Variants in UNC79 observed in about 807,000 individuals in gnomAD.
UNC79 encodes unc-79 subunit of NALCN channel complex.
In UNC79, 37 loss-of-function variants were observed where a neutral mutation model predicts 283.1. That is an observed-to-expected ratio of 0.13 (90% CI 0.10 to 0.17). The LOEUF (loss-of-function observed/expected upper bound fraction) is 0.17, where lower values mean the gene tolerates loss of function less well. Ranked by LOEUF, UNC79 falls within the 10% of genes least tolerant of loss-of-function variation. The probability of loss-of-function intolerance (pLI) is 1.00; values close to 1 mark genes in which losing one functional copy is unlikely to be tolerated. For synonymous variants in UNC79, 1,107 were observed against 1,200.2 expected, an observed-to-expected ratio of 0.92 and a Z score of 1.61; for missense variants, 2,272 against 3,211.1, an observed-to-expected ratio of 0.71 and a Z score of 7.07.
intron 1 of UNC79, among the ~76,000 whole-genome samples, chr14:93,365,437 T>A (rs2054309966): frequency 6.7e-6 from 1 of 149,534 alleles, no homozygotes; most frequent in Non-Finnish European, 1.5e-5. Flanking sequence ...ACCAAATACT[T>A]GAGGAAAATC....
chr14:93,599,382 G>GTGTGTGTGTGTGTT lies in UNC79; in HGVS notation c.3373-1184_3373-1183insGTGTGTGTGTTTGT, dbSNP rs1055178710. Among the ~76,000 whole-genome samples the GTGTGTGTGTGTGTT allele has an allele frequency of 2.5e-3, 382 of 151,240 alleles. 2 individuals carry two copies. Among genetic ancestry groups the GTGTGTGTGTGTGTT allele is most frequent in the African/African-American group, 9.1e-3 (373 of 40,862 alleles). On this transcript the variant is annotated intron_variant, in intron 24 of 48. Coordinates refer to ENST00000555664, the Ensembl canonical transcript of UNC79. ...TGTGTGTGTGTGTGTGTGTGTGTGT[G>GTGTGTGTGTGTGTT]TGTATGTGTGCATACACTGTCTCCC...
chr14:93,420,287 A>G (rs1384691065), intron 1 of UNC79, among the ~76,000 whole-genome samples: 2 of 151,670 alleles, frequency 1.3e-5, no homozygotes, highest in Admixed American at 6.6e-5. Context: ...CTCCATGCCA[A>G]TGGAAACCAA....
chr14:93,439,758 CT>C (rs1418993317), intron 1 of UNC79, among the ~76,000 whole-genome samples: 1 of 152,036 alleles, frequency 6.6e-6, no homozygotes, highest in Non-Finnish European at 1.5e-5. Context: ...TCTTTAACTT[CT>C]TTCTCTATTT....
intron 1 of UNC79, among the ~76,000 whole-genome samples, chr14:93,434,607 A>G (rs1201991488): frequency 6.6e-6 from 1 of 152,240 alleles, no homozygotes; most frequent in African/African-American, 2.4e-5. Flanking sequence ...AACAGCAGAC[A>G]TTCAGAGTTG....
chr14:93,484,409 T>C (rs1208542314), intron 4 of UNC79, among the ~76,000 whole-genome samples: 1 of 152,200 alleles, frequency 6.6e-6, no homozygotes, highest in Non-Finnish European at 1.5e-5. Context: ...TTTCATAAAA[T>C]GGCTTTTCCT....
At chr14:93,464,361 T>A (rs2057075882) in intron 1 of UNC79, among the ~76,000 whole-genome samples, 1 of 152,226 alleles carries the variant, frequency 6.6e-6, no homozygotes, top group South Asian at 2.1e-4. Context: ...GCCTTCTCTC[T>A]CTGTCCTCAC....
chr14:93,540,683 A>G, exon 13 of UNC79: 1 of 1,613,468 alleles, frequency 6.2e-7, no homozygotes, highest in Non-Finnish European at 8.5e-7. Context: ...GCCGAGTTCC[A>G]TGCTGAGCAG....
intron 7 of UNC79, among the ~76,000 whole-genome samples, chr14:93,518,642 C>T (rs996164891): frequency 8.6e-5 from 13 of 151,860 alleles, no homozygotes; most frequent in African/African-American, 2.9e-4. Context: ...CTTTTTATTT[C>T]AGATCTTTAA....
chr14:93,585,251 G>C (rs763213797), intron 20 of UNC79, among the ~76,000 whole-genome samples: 3 of 152,034 alleles, frequency 2.0e-5, no homozygotes, highest in African/African-American at 7.3e-5. Flanking sequence ...CTGCTCTGCA[G>C]GCCTTAAGAC....
rs1232880016 is a variant in UNC79 at position 93,402,276 on chromosome 14, C to CAAA, written c.-350-65379_-350-65377dup. Among the ~76,000 whole-genome samples, 431 of 64,958 alleles carry CAAA rather than the reference C, an allele frequency of 6.6e-3. 10 individuals carry two copies. The highest frequency in any genetic ancestry group is 0.026 in the African/African-American group (418 of 16,280). The allele number at this position is 64,958 out of a possible 152,430, so 42.6% of individuals were successfully genotyped here. On this transcript the variant is annotated intron_variant, in intron 1 of 49. Transcript: ENST00000256339. ...TGAGTGACAGAGTGAGACTCTGTCT[C>CAAA]AAAAAAAAAAAAAAAAAAGAAAAGA...
intron 40 of UNC79, among the ~76,000 whole-genome samples, chr14:93,663,736 GA>G (rs1409342199): frequency 6.6e-6 from 1 of 151,712 alleles, no homozygotes; most frequent in African/African-American, 2.4e-5. Flanking sequence ...TCTTCTTTTA[GA>G]AACTTCTTGA....
chr14:93,410,479 G>A (rs983068934), intron 1 of UNC79, among the ~76,000 whole-genome samples: 1 of 152,176 alleles, frequency 6.6e-6, no homozygotes, highest in Non-Finnish European at 1.5e-5. Flanking sequence ...ACCAGCTGGG[G>A]CAGCTAGGGG....
intron 24 of UNC79, among the ~76,000 whole-genome samples, chr14:93,598,238 G>A (rs76257660): frequency 0.011 from 1,646 of 151,992 alleles, 12 homozygotes; most frequent in Middle Eastern, 0.045. Context: ...CAATCCTCCC[G>A]CTTTGGCCTC....
chr14:93,671,002 C>G lies in UNC79; in HGVS notation c.6637-2349C>G, dbSNP rs138670456. On this transcript the variant is annotated intron_variant, in intron 40 of 48. Coordinates refer to ENST00000555664, the Ensembl canonical transcript of UNC79. Reference sequence around the variant, plus strand: ...TTTTCTGCACATGTGTTATATTCAACAATAGAAAAGTCTTACAAAATTGAA... The same window carrying G: ...TTTTCTGCACATGTGTTATATTCAAGAATAGAAAAGTCTTACAAAATTGAA... Among the ~76,000 whole-genome samples, 783 of 152,262 alleles carry G rather than the reference C, an allele frequency of 5.1e-3. 10 individuals are homozygous for G. Among genetic ancestry groups the G allele is most frequent in the African/African-American group, 0.018 (739 of 41,542 alleles).
In UNC79 at chr14:93,639,248, A is replaced by G. The variant is rs2068801126; in HGVS notation, c.5801-1897A>G. 2.0e-5 allele frequency among the ~76,000 whole-genome samples: 3 copies of G among 152,190 alleles called. No homozygotes were observed. In the South Asian group the frequency reaches 6.2e-4, roughly 31 times the overall value. On this transcript the variant is annotated intron_variant, in intron 32 of 48. Transcript: ENST00000555664. ...TAAGTCTATGTATGTATCATCATAT[A>G]TTGTATGGGCTGAATTTTTCCACTT... is the stretch of plus-strand genomic sequence containing the variant.
exon 19 of UNC79, chr14:93,580,252 C>T (rs944885363): frequency 1.2e-6 from 2 of 1,614,134 alleles, no homozygotes; most frequent in Admixed American, 3.3e-5. Flanking sequence ...TGGGGGGGAT[C>T]CCACACCTGC....
chr14:93,637,667 A>G (rs894983512), intron 32 of UNC79, among the ~76,000 whole-genome samples: 5 of 152,198 alleles, frequency 3.3e-5, no homozygotes, highest in African/African-American at 9.6e-5. Context: ...CATGTTGGCC[A>G]GGCTAGTCAC....
chr14:93,611,161 TAAAC>T (rs1360824296), intron 26 of UNC79, among the ~76,000 whole-genome samples: 1 of 152,222 alleles, frequency 6.6e-6, no homozygotes, highest in Admixed American at 6.5e-5. Flanking sequence ...AACACTGTAA[TAAAC>T]AAATTCTTAG....
intron 1 of UNC79, among the ~76,000 whole-genome samples, chr14:93,440,555 A>G (rs982588142): frequency 1.6e-4 from 23 of 145,632 alleles, no homozygotes; most frequent in Non-Finnish European, 3.0e-4. Context: ...ATTTTTATTG[A>G]GATAGGCATT....
Sources: allele counts gnomAD v4.1 joint callset (sites outside exome capture counted in the v4.1 genomes callset), GRCh38; gene constraint gnomAD v4.1.1; transcripts MANE v1.5; gene names NCBI Gene and HGNC (gene_info 2026-07-23, HGNC 2026-07-21).